CAMK2B: variants seen among roughly 807,000 people sequenced by gnomAD.
CAMK2B encodes the protein calcium/calmodulin-dependent protein kinase type II subunit beta.
CAMK2B carries 27 observed loss-of-function variants against 93.7 expected under a neutral mutation model. The observed-to-expected ratio is 0.29, with a 90% confidence interval of 0.21 to 0.40. The LOEUF (loss-of-function observed/expected upper bound fraction) is 0.40, where lower values mean the gene tolerates loss of function less well. Among genes scored for constraint, CAMK2B ranks in the 10% least tolerant of loss-of-function variants. The probability of loss-of-function intolerance (pLI) is 1.00; values close to 1 mark genes in which losing one functional copy is unlikely to be tolerated. For missense variants in CAMK2B, 568 were observed against 895.8 expected, an observed-to-expected ratio of 0.63 and a Z score of 4.67; for synonymous variants, 374 against 358.8, an observed-to-expected ratio of 1.04 and a Z score of -0.48.
At chr7:44,323,895 G>GAGCC (rs1796797308) in intron 1 of CAMK2B, 1 of 161,972 alleles carries the variant, frequency 6.2e-6, no homozygotes, top group Non-Finnish European at 1.4e-5. Flanking sequence ...GAAGACCGGG[G>GAGCC]AGCCAGCCAC....
intron 16 of CAMK2B, among the ~76,000 whole-genome samples, chr7:44,232,601 C>T (rs2075077): frequency 5.9e-5 from 9 of 152,110 alleles, no homozygotes; most frequent in Non-Finnish European, 1.2e-4. Flanking sequence ...GGGGACCGGG[C>T]GCAACTGTGC....
In CAMK2B at chr7:44,229,514, A is replaced by T; in HGVS notation, c.1226-13T>A. 7.5e-7 allele frequency: 1 copy of T among 1,325,040 alleles called. No homozygotes were observed. The highest frequency in any genetic ancestry group is 1.7e-5 in the South Asian group (1 of 58,422). 82.1% of individuals were successfully genotyped at this position (1,325,040 alleles called of 1,614,324 possible). ...GGGACCCTGGGGGCTGAGGCGGAACAGGTGAGGCAGGCAGGTGGGTGGTGC... is the reference window on the plus strand; with the variant it reads ...GGGACCCTGGGGGCTGAGGCGGAACTGGTGAGGCAGGCAGGTGGGTGGTGC... On this transcript the variant is annotated splice_polypyrimidine_tract_variant and intron_variant, in intron 17 of 23. Transcript: ENST00000395749.
intron 1 of CAMK2B, among the ~76,000 whole-genome samples, chr7:44,304,967 G>A (rs1791065085): frequency 6.6e-6 from 1 of 152,010 alleles, no homozygotes; most frequent in African/African-American, 2.4e-5. Flanking sequence ...AAAACACCAG[G>A]ATAGAGAAGG....
rs757804245 is a variant in CAMK2B, at chr7:44,242,278, C to G, written c.759G>C (p.Leu253=). The G allele has an allele frequency of 1.2e-6, 2 of 1,614,088 alleles. No homozygotes were observed. The highest frequency in any genetic ancestry group is 2.2e-5 in the South Asian group (2 of 91,084). Reference sequence around the variant, plus strand: ...TGATGCGCTTGGCAGGGTTGATGGTCAGCATCTGGTTGATGAGGTTTTTGG... The same window carrying G: ...TGATGCGCTTGGCAGGGTTGATGGTGAGCATCTGGTTGATGAGGTTTTTGG... ...PEAKNLINQM[L]TINPAKRITA... is the part of the protein sequence containing the mutation. The change falls in exon 10 of 24, where the codon CTG becomes CTC. Residue 253 remains leucine (L), a synonymous_variant. Transcript: ENST00000395749.
At chr7:44,246,607 A>T (rs2096733157) in intron 6 of CAMK2B, among the ~76,000 whole-genome samples, 1 of 151,694 alleles carries the variant, frequency 6.6e-6, no homozygotes, top group South Asian at 2.1e-4. Flanking sequence ...GTATACACAC[A>T]TGCACACAGG....
At chr7:44,246,139 G>C (rs1230307038) in intron 6 of CAMK2B, among the ~76,000 whole-genome samples, 1 of 152,128 alleles carries the variant, frequency 6.6e-6, no homozygotes, top group Non-Finnish European at 1.5e-5. Flanking sequence ...AGGGCTGGGA[G>C]GACTTGGCAG....
chr7:44,220,409 C>G, intron 22 of CAMK2B, 115 bp from the exon 23 acceptor site: 1 of 929,088 alleles, frequency 1.1e-6, no homozygotes, highest in Non-Finnish European at 1.7e-6. Flanking sequence ...TGGGGAGGCT[C>G]GGCTCTCCTG....
At position 44,226,600 on chromosome 7, in the gene CAMK2B, C is replaced by T; in HGVS notation, c.1513G>A (p.Gly505Arg). The T allele has an allele frequency of 6.6e-7, 1 of 1,520,920 alleles. No individual in the cohort carries two copies. The highest frequency in any genetic ancestry group is 2.7e-5 in the East Asian group (1 of 37,682). 94.2% of individuals were successfully genotyped at this position (1,520,920 alleles called of 1,614,324 possible). The change falls in exon 20 of 24, where the codon GGG (glycine) becomes AGG (arginine). Residue 505 changes from glycine to arginine, a missense_variant. Physicochemically the swap from Gly to Arg is moderately radical, Grantham distance 125 (BLOSUM62 -2). This residue lies in a region of CAMK2B where 308 missense variants were observed against 292.1 expected (regional missense o/e 1.05). Transcript: ENST00000395749. ...DILNSVRRGS[G>R]TPEAEGPSPV... ...GAGGGGCCCTCGGCTTCTGGGGTCC[C>T]TGAGCCCCTCCTCACAGAGTTCAGG...
intron 1 of CAMK2B, among the ~76,000 whole-genome samples, chr7:44,287,345 T>G (rs573203386): frequency 1.3e-5 from 2 of 152,112 alleles, no homozygotes; most frequent in Non-Finnish European, 2.9e-5. Context: ...TACCCACCAC[T>G]TCCCCTAAAG....
chr7:44,297,226 T>C (rs1305892319), intron 1 of CAMK2B, among the ~76,000 whole-genome samples: 3 of 151,886 alleles, frequency 2.0e-5, no homozygotes, highest in Admixed American at 2.0e-4. Context: ...TATTTGAGAG[T>C]GGGCTTGGGT....
intron 4 of CAMK2B, among the ~76,000 whole-genome samples, chr7:44,255,861 C>T (rs1259113270): frequency 6.6e-6 from 1 of 152,162 alleles, no homozygotes; most frequent in Non-Finnish European, 1.5e-5. Flanking sequence ...AAACGCATGC[C>T]CTGATGATCC....
At chr7:44,220,770 C>T (rs1222592923) in intron 21 of CAMK2B, 56 bp downstream of exon 21, 17 of 1,563,164 alleles carry the variant, frequency 1.1e-5, no homozygotes, top group Non-Finnish European at 1.5e-5. Flanking sequence ...AGCAGGCCCC[C>T]CCAAGGGTCC....
chr7:44,279,334 A>C (rs986837029), intron 2 of CAMK2B, among the ~76,000 whole-genome samples: 3 of 152,222 alleles, frequency 2.0e-5, no homozygotes, highest in African/African-American at 7.2e-5. Context: ...AAAGTTAAAT[A>C]GGAAAAAAAT....
chr7:44,301,919 G>A (rs911490956), intron 1 of CAMK2B, among the ~76,000 whole-genome samples: 8 of 151,836 alleles, frequency 5.3e-5, no homozygotes, highest in Admixed American at 3.3e-4. Context: ...TCAATGAATT[G>A]TGCAAACAAG....
intron 1 of CAMK2B, 30 bp downstream of exon 1, chr7:44,325,327 G>GGCCCA (rs756193126): frequency 3.2e-4 from 387 of 1,205,548 alleles, no homozygotes; most frequent in Non-Finnish European, 3.9e-4. Context: ...TGGGGTCCCC[G>GGCCCA]GCCCAGCCCG....
intron 1 of CAMK2B, among the ~76,000 whole-genome samples, chr7:44,317,975 G>A (rs2116461373): frequency 6.6e-6 from 1 of 152,214 alleles, no homozygotes; most frequent in African/African-American, 2.4e-5. Flanking sequence ...CATTTCCCTA[G>A]TGTCTGGCTA....
intron 5 of CAMK2B, 51 bp downstream of exon 5, chr7:44,254,491 G>T: frequency 7.5e-7 from 1 of 1,337,398 alleles, no homozygotes; most frequent in Non-Finnish European, 1.1e-6. Context: ...AGGAGGGATG[G>T]TGAGGGTATA....
chr7:44,220,952 G>A (rs930287734), intron 20 of CAMK2B, 51 bp from the exon 21 acceptor site: 8 of 1,487,822 alleles, frequency 5.4e-6, no homozygotes, highest in Non-Finnish European at 7.3e-6. Flanking sequence ...CATTCCCCCC[G>A]GACCCCTCCA....
intron 19 of CAMK2B, among the ~76,000 whole-genome samples, chr7:44,228,083 G>A (rs1181290850): frequency 6.6e-6 from 1 of 151,832 alleles, no homozygotes; most frequent in African/African-American, 2.4e-5. Flanking sequence ...TGGGGGCAGA[G>A]GGCACCCTCC....
Sources: gnomAD v4.1 joint callset for allele counts (sites outside exome capture counted in the v4.1 genomes callset) on GRCh38, gnomAD v4.1.1 for gene constraint, gnomAD v4.1.1 regional missense constraint, MANE v1.5 for transcripts, NCBI Gene and HGNC (gene_info 2026-07-23, HGNC 2026-07-21) for gene names.